Variants in ANK3 observed in about 807,000 individuals in gnomAD.
The protein encoded by ANK3 is ankyrin 3, also known as ankyrin-3.
ANK3 carries 57 observed loss-of-function variants against 370.9 expected under a neutral mutation model. The ratio of observed to expected loss-of-function variants is 0.15; its 90% CI spans 0.12 to 0.19. The LOEUF (loss-of-function observed/expected upper bound fraction) is 0.19, where lower values mean the gene tolerates loss of function less well. ANK3 is among the 10% of genes least tolerant of loss of function. The pLI, the probability that ANK3 is intolerant of heterozygous loss-of-function variation, is 1.00. For synonymous variants in ANK3, 1,929 were observed against 1,946.3 expected, an observed-to-expected ratio of 0.99 and a Z score of 0.23; for missense variants, 4,439 against 5,302.1, an observed-to-expected ratio of 0.84 and a Z score of 5.06.
At chr10:60,527,068 C>T (rs2076490937) in intron 2 of ANK3, among the ~76,000 whole-genome samples, 1 of 151,960 alleles carries the variant, frequency 6.6e-6, no homozygotes, top group African/African-American at 2.4e-5. Context: ...ATATTGGAGA[C>T]CATTTCCATA....
chr10:60,269,066 C>G (rs781075078), intron 5 of ANK3, among the ~76,000 whole-genome samples: 1 of 152,170 alleles, frequency 6.6e-6, no homozygotes. Context: ...AGCATGCAAG[C>G]AAGAGTAGTG....
chr10:60,062,876 T>C (rs879464252), intron 40 of ANK3: 7 of 318,786 alleles, frequency 2.2e-5, no homozygotes, highest in East Asian at 1.0e-4. Context: ...CTCTTTCAGA[T>C]ACCTTAGGCG....
intron 9 of ANK3, among the ~76,000 whole-genome samples, 172 bp downstream of exon 9, chr10:60,213,240 C>A (rs924522467): frequency 6.6e-6 from 1 of 152,098 alleles, no homozygotes; most frequent in Non-Finnish European, 1.5e-5. Flanking sequence ...GCACATTCTA[C>A]ATAAAATCTT....
chr10:60,726,446 A>T (rs989524717), intron 1 of ANK3, among the ~76,000 whole-genome samples: 1 of 152,168 alleles, frequency 6.6e-6, no homozygotes, highest in Non-Finnish European at 1.5e-5. Flanking sequence ...CCATTTATTT[A>T]TTTAATATTC....
At chr10:60,422,008 A>T (rs2063788645) in intron 2 of ANK3, among the ~76,000 whole-genome samples, 1 of 152,140 alleles carries the variant, frequency 6.6e-6, no homozygotes, top group Non-Finnish European at 1.5e-5. Flanking sequence ...AGTAAATAAA[A>T]GGTCTTAGAC....
At chr10:60,451,678 G>T (rs1225255028) in intron 2 of ANK3, among the ~76,000 whole-genome samples, 1 of 152,242 alleles carries the variant, frequency 6.6e-6, no homozygotes, top group Non-Finnish European at 1.5e-5. Flanking sequence ...GACCAGGGCA[G>T]TCAGCTGGGG....
intron 1 of ANK3, 104 bp downstream of exon 1, chr10:60,389,321 T>C: frequency 9.2e-7 from 1 of 1,088,656 alleles, no homozygotes; most frequent in Non-Finnish European, 1.3e-6. Flanking sequence ...ATTTACACTC[T>C]ACCCAGCATG....
chr10:60,206,749 C>T (rs1376185630), intron 10 of ANK3, among the ~76,000 whole-genome samples: 1 of 152,172 alleles, frequency 6.6e-6, no homozygotes, highest in African/African-American at 2.4e-5. Context: ...ATAAAAGAAT[C>T]TGCTTTTTAA....
At chr10:60,062,973 T>C in intron 40 of ANK3, 138 bp downstream of exon 40, 2 of 827,776 alleles carry the variant, frequency 2.4e-6, no homozygotes, top group Non-Finnish European at 1.8e-6. Context: ...GAGTGTTTAT[T>C]TGCAGACTCT....
At chr10:60,413,913 C>T (rs1406638879) in intron 2 of ANK3, among the ~76,000 whole-genome samples, 4 of 152,264 alleles carry the variant, frequency 2.6e-5, no homozygotes, top group African/African-American at 7.2e-5. Context: ...GAGAGGATCA[C>T]TTGAGCCTAG....
intron 1 of ANK3, among the ~76,000 whole-genome samples, chr10:60,691,384 G>A (rs769557967): frequency 6.6e-6 from 1 of 152,168 alleles, no homozygotes; most frequent in East Asian, 1.9e-4. Flanking sequence ...TAGGCAAATT[G>A]CCAACTCTGA....
chr10:60,037,149 C>T (rs1322984390), intron 43 of ANK3, among the ~76,000 whole-genome samples: 1 of 152,156 alleles, frequency 6.6e-6, no homozygotes, highest in Non-Finnish European at 1.5e-5. Flanking sequence ...CCAGCTGAAG[C>T]CACCATTATG....
intron 2 of ANK3, among the ~76,000 whole-genome samples, chr10:60,498,916 C>T (rs2075726868): frequency 6.6e-6 from 1 of 152,164 alleles, no homozygotes; most frequent in South Asian, 2.1e-4. Flanking sequence ...CACACTAATT[C>T]AATAAAAATG....
chr10:60,619,263 A>G (rs2078304696), intron 1 of ANK3, among the ~76,000 whole-genome samples: 2 of 151,980 alleles, frequency 1.3e-5, no homozygotes, highest in Admixed American at 6.6e-5. Context: ...TGAAAAACAC[A>G]CCCACACCCA....
intron 18 of ANK3, among the ~76,000 whole-genome samples, chr10:60,180,088 C>T (rs919151620): frequency 2.6e-5 from 4 of 152,016 alleles, no homozygotes; most frequent in African/African-American, 9.7e-5. Context: ...AATTATTTCC[C>T]GATGAAAGTA....
chr10:60,102,465 T>C (rs1205436335), intron 28 of ANK3, among the ~76,000 whole-genome samples: 2 of 152,186 alleles, frequency 1.3e-5, no homozygotes, highest in African/African-American at 4.8e-5. Flanking sequence ...GAGTGCTTCA[T>C]TACGGTCACA....
At chr10:60,645,492 A>G (rs374996631) in intron 1 of ANK3, among the ~76,000 whole-genome samples, 25 of 152,228 alleles carry the variant, frequency 1.6e-4, no homozygotes, top group Middle Eastern at 3.4e-3. Context: ...TGGGAGGCTG[A>G]AACTGGGTGG....
At chr10:60,110,972 T>C (rs1278689976) in intron 26 of ANK3, among the ~76,000 whole-genome samples, 1 of 152,184 alleles carries the variant, frequency 6.6e-6, no homozygotes, top group Non-Finnish European at 1.5e-5. Context: ...GGGTCTGTCT[T>C]GTTCACTGAT....
intron 18 of ANK3, among the ~76,000 whole-genome samples, chr10:60,175,306 G>A (rs2095898681): frequency 6.6e-6 from 1 of 152,124 alleles, no homozygotes; most frequent in Non-Finnish European, 1.5e-5. Flanking sequence ...AATCAGATGT[G>A]GGCTCCTCCA....
Sources: allele counts gnomAD v4.1 joint callset (sites outside exome capture counted in the v4.1 genomes callset), GRCh38; gene constraint gnomAD v4.1.1; transcripts MANE v1.5; gene names NCBI Gene and HGNC (gene_info 2026-07-23, HGNC 2026-07-21).